Variants in COMMD10 observed in about 807,000 individuals in gnomAD.
COMMD10 encodes the protein COMM domain-containing protein 10.
Under a neutral mutation model 28.9 loss-of-function variants are expected in COMMD10, and 33 were observed. The observed-to-expected ratio is 1.14, with a 90% confidence interval of 0.87 to 1.53. The LOEUF (loss-of-function observed/expected upper bound fraction) is 1.53. Among genes scored for constraint, COMMD10 ranks in the 40% most tolerant of loss-of-function variants. The probability of loss-of-function intolerance (pLI) is 0.00; values close to 1 mark genes in which losing one functional copy is unlikely to be tolerated. For missense variants in COMMD10, 310 were observed against 233.4 expected (o/e 1.33, Z -2.14); for synonymous variants, 110 against 81.7 (o/e 1.35, Z -1.87).
At chr5:116,271,453 T>G (rs539510507) in intron 5 of COMMD10, among the ~76,000 whole-genome samples, 1 of 151,598 alleles carries the variant, frequency 6.6e-6, no homozygotes, top group South Asian at 2.1e-4. Flanking sequence ...ATACTTTGTA[T>G]ACTTTTGTTT....
chr5:116,085,140 C>G, intron 1 of COMMD10, 47 bp downstream of exon 1: 1 of 1,574,842 alleles, frequency 6.3e-7, no homozygotes, highest in Non-Finnish European at 8.6e-7. Flanking sequence ...CAGGAAGGCC[C>G]AGATCGGGCT....
chr5:116,250,059 A>G (rs768386126), intron 5 of COMMD10, among the ~76,000 whole-genome samples: 1 of 151,866 alleles, frequency 6.6e-6, no homozygotes, highest in Non-Finnish European at 1.5e-5. Context: ...TCAAACTTCC[A>G]TGTATTACCA....
At chr5:116,155,519 G>C (rs987310808) in intron 5 of COMMD10, among the ~76,000 whole-genome samples, 16 of 152,068 alleles carry the variant, frequency 1.1e-4, no homozygotes, top group African/African-American at 3.9e-4. Flanking sequence ...ATGTATTTTT[G>C]TAAAAATTTT....
At chr5:116,244,325 A>C (rs1749885712) in intron 5 of COMMD10, among the ~76,000 whole-genome samples, 1 of 152,138 alleles carries the variant, frequency 6.6e-6, no homozygotes, top group Non-Finnish European at 1.5e-5. Flanking sequence ...AAATAAACAC[A>C]GTAACAAATT....
chr5:116,196,740 A>G (rs1748533115), intron 5 of COMMD10, among the ~76,000 whole-genome samples: 1 of 130,318 alleles, frequency 7.7e-6, no homozygotes, highest in Non-Finnish European at 1.5e-5. Context: ...GTGTATATGA[A>G]TGGCTTTTCA....
At chr5:116,279,204 A>C (rs1751000435) in intron 5 of COMMD10, among the ~76,000 whole-genome samples, 1 of 151,800 alleles carries the variant, frequency 6.6e-6, no homozygotes, top group African/African-American at 2.4e-5. Flanking sequence ...CAGTGCATTA[A>C]GAGGATATTG....
In COMMD10 at chr5:116,215,542, C is replaced by A. The variant is rs190054561; in HGVS notation, c.511-75975C>A. 2.6e-3 allele frequency among the ~76,000 whole-genome samples: 392 copies of A among 151,528 alleles called. 1 individual carries two copies. Among genetic ancestry groups the A allele is most frequent in the Non-Finnish European group, 4.4e-3 (300 of 67,812 alleles). On this transcript the variant is annotated intron_variant, in intron 5 of 6. Coordinates refer to ENST00000274458, the MANE Select transcript of COMMD10 (RefSeq NM_016144.4). ...TCTCTACTAAAAATACAAAAATGAGCCAGGCGTGGTGGCGTGTGCCTGTAG... is the reference window on the plus strand; with the variant it reads ...TCTCTACTAAAAATACAAAAATGAGACAGGCGTGGTGGCGTGTGCCTGTAG...
intron 5 of COMMD10, among the ~76,000 whole-genome samples, chr5:116,177,516 G>A (rs567087204): frequency 2.4e-5 from 3 of 126,946 alleles, no homozygotes; most frequent in Non-Finnish European, 4.7e-5. Context: ...TGCTTAAAAT[G>A]TCTAAGTGAC....
chr5:116,153,315 A>T (rs115849641), intron 5 of COMMD10, among the ~76,000 whole-genome samples: 1,811 of 151,882 alleles, frequency 0.012, 34 homozygotes, highest in African/African-American at 0.04. Context: ...GCTCATTTGG[A>T]GGCTGAGGGG....
At chr5:116,128,592 G>T (rs184176019) in intron 4 of COMMD10, among the ~76,000 whole-genome samples, 5 of 152,016 alleles carry the variant, frequency 3.3e-5, no homozygotes, top group Admixed American at 3.3e-4. Flanking sequence ...ATTGGTGATT[G>T]TCTTATTTGC....
At chr5:116,289,598 C>T (rs1751312704) in intron 5 of COMMD10, among the ~76,000 whole-genome samples, 2 of 151,824 alleles carry the variant, frequency 1.3e-5, no homozygotes, top group South Asian at 4.1e-4. Context: ...CTTGGGAATC[C>T]CCCAGAAAGC....
At chr5:116,209,515 A>G (rs975911643) in intron 5 of COMMD10, among the ~76,000 whole-genome samples, 6 of 152,184 alleles carry the variant, frequency 3.9e-5, no homozygotes, top group Non-Finnish European at 7.4e-5. Context: ...TTGTAGCAGA[A>G]ATAATAGACC....
At chr5:116,278,230 C>G in intron 5 of COMMD10, among the ~76,000 whole-genome samples, 1 of 151,778 alleles carries the variant, frequency 6.6e-6, no homozygotes, top group South Asian at 2.1e-4. Context: ...TGTCAATGCT[C>G]TTTTCAACCT....
chr5:116,124,837 C>T (rs886153877), intron 4 of COMMD10, among the ~76,000 whole-genome samples: 3 of 152,082 alleles, frequency 2.0e-5, no homozygotes, highest in Non-Finnish European at 4.4e-5. Context: ...CCTTCTTTGT[C>T]TCTTTTGATC....
intron 5 of COMMD10, among the ~76,000 whole-genome samples, chr5:116,273,535 T>G (rs1378820947): frequency 6.6e-6 from 1 of 151,854 alleles, no homozygotes; most frequent in African/African-American, 2.4e-5. Context: ...GAAGTTTGTT[T>G]TATTAACTTG....
intron 5 of COMMD10, among the ~76,000 whole-genome samples, chr5:116,235,408 G>A (rs1749633943): frequency 3.3e-5 from 5 of 152,084 alleles, no homozygotes; most frequent in Admixed American, 2.0e-4. Context: ...TGTCATTTAA[G>A]CATTTCAGGT....
intron 5 of COMMD10, among the ~76,000 whole-genome samples, chr5:116,172,541 G>C (rs1282358855): frequency 2.0e-5 from 3 of 152,042 alleles, no homozygotes; most frequent in African/African-American, 4.8e-5. Flanking sequence ...ATCTACCCTA[G>C]GTCGGAAATA....
chr5:116,278,267 A>G (rs1370225436), intron 5 of COMMD10, among the ~76,000 whole-genome samples: 2 of 151,838 alleles, frequency 1.3e-5, no homozygotes, highest in Admixed American at 1.3e-4. Flanking sequence ...AAAAGCTTCA[A>G]ATAATCATAT....
chr5:116,158,053 C>T (rs1022631742), intron 5 of COMMD10, among the ~76,000 whole-genome samples: 1 of 151,578 alleles, frequency 6.6e-6, no homozygotes, highest in African/African-American at 2.4e-5. Context: ...TAGATCCTGG[C>T]CTGTAAATCA....
Sources: allele counts gnomAD v4.1 joint callset (sites outside exome capture counted in the v4.1 genomes callset), GRCh38; gene constraint gnomAD v4.1.1; transcripts MANE v1.5; gene names NCBI Gene and HGNC (gene_info 2026-07-23, HGNC 2026-07-21).